Variants in OR2L3 observed in about 807,000 individuals in gnomAD.
The protein encoded by OR2L3 is olfactory receptor family 2 subfamily L member 3, also known as olfactory receptor 2L3.
For missense variants in OR2L3, 369 were observed against 376.6 expected, an observed-to-expected ratio of 0.98 and a Z score of 0.17; for synonymous variants, 131 against 139.1, an observed-to-expected ratio of 0.94 and a Z score of 0.41.
chr1:248,060,664 A>G lies in OR2L3; in HGVS notation c.-18A>G, dbSNP rs778220657. 3.3e-5 allele frequency: 53 copies of G among 1,590,084 alleles called. No homozygotes were observed. In the Middle Eastern group the frequency reaches 1.5e-3, roughly 45 times the overall value. ...TTACCCTTGTGTCTCCCTTCAGGAA[A>G]GAGCACACGAATGCCCCATGGAAAA... On this transcript the variant is annotated 5_prime_UTR_variant, in exon 2 of 2. Coordinates refer to ENST00000359959, the MANE Select transcript of OR2L3 (RefSeq NM_001004687.2).
At chr1:248,048,389 C>G (rs953972352) in intron 1 of OR2L3, among the ~76,000 whole-genome samples, 2 of 152,170 alleles carry the variant, frequency 1.3e-5, no homozygotes, top group African/African-American at 4.8e-5. Flanking sequence ...ACATTATGTA[C>G]TGTGTCTCTT....
rs1240218868 is a variant in OR2L3 at position 248,060,808 on chromosome 1, T to C, written c.127T>C (p.Ser43Pro). Residue 43 changes from serine (S) to proline (P), a missense_variant, in exon 2 of 2, where the codon TCC (serine) becomes CCC (proline). Coordinates refer to ENST00000359959, the MANE Select transcript of OR2L3 (RefSeq NM_001004687.2). Reference protein sequence around the residue: ...IFLMALIGNLSMILLIFLDTH... With the variant: ...IFLMALIGNLPMILLIFLDTH... ...CCTAATGGCTCTAATTGGAAACCTA[T>C]CCATGATTCTTCTCATCTTCTTGGA... The C allele has an allele frequency of 6.2e-7, 1 of 1,613,948 alleles. No homozygotes were observed. Among genetic ancestry groups the C allele is most frequent in the Non-Finnish European group, 8.5e-7 (1 of 1,179,956 alleles).
rs1663623099 is a variant in OR2L3 at position 248,061,204 on chromosome 1, C to T, written c.523C>T (p.His175Tyr). The change falls in exon 2 of 2, where the codon CAT becomes TAT. Residue 175 changes from histidine (H) to tyrosine (Y), a missense_variant. Transcript: ENST00000359959. ...TTATTGCCAATCCAGGGCCATCAAT[C>T]ATTTCTTCTGTGATGTCCCAGCAAT... ...IPYCQSRAINHFFCDVPAMVT... is the reference protein window; with the variant it reads ...IPYCQSRAINYFFCDVPAMVT... 6.2e-7 allele frequency: 1 copy of T among 1,612,224 alleles called. No individual in the cohort carries two copies.
chr1:248,054,428 T>G (rs1364247015), intron 1 of OR2L3, among the ~76,000 whole-genome samples: 1 of 152,154 alleles, frequency 6.6e-6, no homozygotes, highest in Non-Finnish European at 1.5e-5. Flanking sequence ...TGCAAGCTCT[T>G]TTTTGGTTCC....
At chr1:248,049,202 T>G (rs927523660) in intron 1 of OR2L3, among the ~76,000 whole-genome samples, 1 of 152,196 alleles carries the variant, frequency 6.6e-6, no homozygotes, top group Non-Finnish European at 1.5e-5. Context: ...TCAGTTTTTC[T>G]TCCTTGTGAT....
chr1:248,058,384 A>G (rs896299152), intron 1 of OR2L3, among the ~76,000 whole-genome samples: 3 of 152,162 alleles, frequency 2.0e-5, no homozygotes, highest in Non-Finnish European at 2.9e-5. Flanking sequence ...CTCCTCCGTC[A>G]TCACCCCCAG....
intron 1 of OR2L3, among the ~76,000 whole-genome samples, chr1:248,052,407 T>G (rs79393629): frequency 0.032 from 4,869 of 152,258 alleles, 237 homozygotes; most frequent in African/African-American, 0.11. Flanking sequence ...TTGTTTTGAT[T>G]ACTATAGCTT....
rs1019035841 is a variant in OR2L3 at position 248,061,730 on chromosome 1, G to A, written c.*110G>A. The A allele has an allele frequency of 4.9e-6, 5 of 1,024,254 alleles. No individual in the cohort carries two copies. In the Admixed American group the frequency reaches 1.2e-4, roughly 25 times the overall value. The allele number at this position is 1,024,254 out of a possible 1,614,324, so 63.4% of individuals were successfully genotyped here. On this transcript the variant is annotated 3_prime_UTR_variant, in exon 2 of 2. Coordinates refer to ENST00000359959, the MANE Select transcript of OR2L3 (RefSeq NM_001004687.2). ...AGTTCAGGAGCTAAAAGTAATCAAG[G>A]TAAGAGAAAAAAATCACTGATTTCT...
chr1:248,047,024 C>T (rs1013147888), intron 1 of OR2L3, 144 bp downstream of exon 1: 2 of 152,140 alleles, frequency 1.3e-5, no homozygotes, highest in African/African-American at 4.8e-5. Context: ...CACCATTCAG[C>T]AGGAATCTTG....
In OR2L3 at chr1:248,061,088, G is replaced by T. The variant is rs1284647629; in HGVS notation, c.407G>T (p.Ser136Ile). ...CCTCTTCACTATCCCATCCGCATGA[G>T]CAAAAGAATGTGTGTGCTGATGATA... ...CFPLHYPIRM[S>I]KRMCVLMITG... The change falls in exon 2 of 2, where the codon AGC (serine) becomes ATC (isoleucine). Residue 136 changes from serine (S) to isoleucine (I), a missense_variant. By Grantham distance (142) the Ser-to-Ile change is moderately radical. Transcript: ENST00000359959. The T allele has an allele frequency of 6.2e-7, 1 of 1,613,986 alleles. No homozygotes were observed. The highest frequency in any genetic ancestry group is 2.2e-5 in the East Asian group (1 of 44,860).
chr1:248,048,644 C>T (rs542750738), intron 1 of OR2L3, among the ~76,000 whole-genome samples: 1 of 152,266 alleles, frequency 6.6e-6, no homozygotes, highest in African/African-American at 2.4e-5. Context: ...GAGTTCTCAG[C>T]TTTTGCAGTG....
In OR2L3 at chr1:248,046,880, G is replaced by A. The variant is rs1029035430; in HGVS notation, c.-22G>A. 10 of 152,136 alleles carry A rather than the reference G, an allele frequency of 6.6e-5. No individual in the cohort carries two copies. The highest frequency in any genetic ancestry group is 6.2e-4 in the South Asian group (3 of 4,830). 9.4% of individuals were successfully genotyped at this position (152,136 alleles called of 1,614,324 possible). A position where few individuals can be genotyped will look rare whatever the true frequency, so the allele number is the denominator to read the frequency against. ...TGTTTGGAAATGAGGAAATAATAAA[G>A]GTACTAATTATAATTGTATTTTTAA... is the stretch of plus-strand genomic sequence containing the variant. On this transcript the variant is annotated splice_region_variant and 5_prime_UTR_variant, in exon 1 of 2. Transcript: ENST00000359959.
intron 1 of OR2L3, among the ~76,000 whole-genome samples, chr1:248,054,877 A>T (rs1663383561): frequency 6.6e-6 from 1 of 152,142 alleles, no homozygotes; most frequent in Admixed American, 6.6e-5. Context: ...GAATCATATC[A>T]TCTGAAACAA....
chr1:248,048,511 T>C (rs1284678509), intron 1 of OR2L3, among the ~76,000 whole-genome samples: 2 of 152,134 alleles, frequency 1.3e-5, no homozygotes, highest in Non-Finnish European at 2.9e-5. Flanking sequence ...AGACACTCTT[T>C]TGTGTCATCT....
At position 248,061,787 on chromosome 1, in the gene OR2L3, A is replaced by G. The variant is rs951786418; in HGVS notation, c.*167A>G. 2 of 521,722 alleles carry G rather than the reference A, an allele frequency of 3.8e-6. No homozygotes were observed. The highest frequency in any genetic ancestry group is 6.3e-6 in the Non-Finnish European group (2 of 317,984). The allele number at this position is 521,722 out of a possible 1,614,324, so 32.3% of individuals were successfully genotyped here. On this transcript the variant is annotated 3_prime_UTR_variant, in exon 2 of 2. Transcript: ENST00000359959. ...AATTGTTTTACATATATATGTATAT[A>G]TAACTCCAAACAACCTTTTTTCTTC...
rs2103128124 is a variant in OR2L3, at chr1:248,061,735, A to G, written c.*115A>G. 2.0e-6 allele frequency: 2 copies of G among 990,818 alleles called. No homozygotes were observed. The highest frequency in any genetic ancestry group is 3.0e-5 in the Admixed American group (1 of 33,406). 61.4% of individuals were successfully genotyped at this position (990,818 alleles called of 1,614,324 possible). A position where few individuals can be genotyped will look rare whatever the true frequency, so the allele number is the denominator to read the frequency against. On this transcript the variant is annotated 3_prime_UTR_variant, in exon 2 of 2. Transcript: ENST00000359959. ...AGGAGCTAAAAGTAATCAAGGTAAG[A>G]GAAAAAAATCACTGATTTCTGGACA...
chr1:248,059,536 G>C (rs553073289), intron 1 of OR2L3, among the ~76,000 whole-genome samples: 1 of 152,268 alleles, frequency 6.6e-6, no homozygotes, highest in Non-Finnish European at 1.5e-5. Context: ...AGGCAAAAGA[G>C]AATGGATGAT....
chr1:248,054,461 T>C (rs1190251847), intron 1 of OR2L3, among the ~76,000 whole-genome samples: 1 of 152,172 alleles, frequency 6.6e-6, no homozygotes, highest in African/African-American at 2.4e-5. Context: ...AATAGTTCTT[T>C]TTTTCTAATT....
At position 248,063,399 on chromosome 1, in the gene OR2L3, A is replaced by G. The variant is rs553284533; in HGVS notation, c.*1779A>G. ...GATATTTGTTTTACCATATTGTAGC[A>G]GTTAAAACATAAATTTTGAACTTGT... On this transcript the variant is annotated 3_prime_UTR_variant, in exon 2 of 2. Transcript: ENST00000359959. 6.6e-6 allele frequency: 1 copy of G among 152,388 alleles called. No individual in the cohort carries two copies. Among genetic ancestry groups the G allele is most frequent in the Admixed American group, 6.5e-5 (1 of 15,300 alleles). 9.4% of individuals were successfully genotyped at this position (152,388 alleles called of 1,614,324 possible). A position where few individuals can be genotyped will look rare whatever the true frequency, so the allele number is the denominator to read the frequency against.
Sources: allele counts gnomAD v4.1 joint callset (sites outside exome capture counted in the v4.1 genomes callset), GRCh38; gene constraint gnomAD v4.1.1; transcripts MANE v1.5; gene names NCBI Gene and HGNC (gene_info 2026-07-23, HGNC 2026-07-21).